The following EPB41L2 variants were observed in gnomAD, a reference collection of about 807,000 sequenced individuals.
EPB41L2 encodes erythrocyte membrane protein band 4.1 like 2.
EPB41L2 carries 43 observed loss-of-function variants against 113.0 expected under a neutral mutation model. The ratio of observed to expected loss-of-function variants is 0.38; its 90% CI spans 0.30 to 0.49. The LOEUF is 0.49. EPB41L2 is among the 20% of genes least tolerant of loss of function. EPB41L2 has a pLI of 0.95. For synonymous variants in EPB41L2, 442 were observed against 436.7 expected (o/e 1.01, Z -0.15); for missense variants, 1,147 against 1,223.4 (o/e 0.94, Z 0.93).
At chr6:130,896,098 C>CT (rs1468748258) in intron 8 of EPB41L2, among the ~76,000 whole-genome samples, 2 of 152,284 alleles carry the variant, frequency 1.3e-5, no homozygotes, top group East Asian at 1.9e-4. Flanking sequence ...CATATTTAGT[C>CT]TAACTCCCAA....
At chr6:130,841,104 G>A (rs1444781425) in intron 19 of EPB41L2, among the ~76,000 whole-genome samples, 2 of 151,936 alleles carry the variant, frequency 1.3e-5, no homozygotes, top group Non-Finnish European at 1.5e-5. Context: ...GGAATAGGAC[G>A]GTGAAGAAAG....
intron 3 of EPB41L2, among the ~76,000 whole-genome samples, chr6:130,939,173 G>A (rs555945466): frequency 2.6e-5 from 4 of 152,028 alleles, no homozygotes; most frequent in Non-Finnish European, 5.9e-5. Flanking sequence ...AATGAATAAA[G>A]CCACAAAACT....
intron 6 of EPB41L2, among the ~76,000 whole-genome samples, chr6:130,903,746 TA>T (rs1171833169): frequency 6.6e-6 from 1 of 152,162 alleles, no homozygotes; most frequent in Non-Finnish European, 1.5e-5. Context: ...GTACCCAGTG[TA>T]ATCAGGCTAA....
intron 1 of EPB41L2, among the ~76,000 whole-genome samples, chr6:131,001,194 C>T (rs1433144154): frequency 6.6e-6 from 1 of 152,158 alleles, no homozygotes; most frequent in Non-Finnish European, 1.5e-5. Flanking sequence ...GGCTGCTTCT[C>T]CATGAAGCTC....
intron 3 of EPB41L2, among the ~76,000 whole-genome samples, chr6:130,940,677 G>A (rs1178772397): frequency 1.3e-5 from 2 of 152,036 alleles, no homozygotes; most frequent in African/African-American, 2.4e-5. Flanking sequence ...ACATTGGCCA[G>A]GTTAGTCTCA....
chr6:130,844,434 T>G (rs1776385225), intron 19 of EPB41L2, among the ~76,000 whole-genome samples: 1 of 151,620 alleles, frequency 6.6e-6, no homozygotes, highest in Non-Finnish European at 1.5e-5. Flanking sequence ...TAGCTGGGCA[T>G]GGTGGTGGGC....
chr6:131,022,736 T>C (rs560723220), intron 1 of EPB41L2, among the ~76,000 whole-genome samples: 1 of 152,344 alleles, frequency 6.6e-6, no homozygotes, highest in East Asian at 1.9e-4. Context: ...ATCATCATCA[T>C]CCAGTGCTAG....
intron 12 of EPB41L2, among the ~76,000 whole-genome samples, chr6:130,884,006 T>C (rs951653056): frequency 5.3e-5 from 8 of 152,140 alleles, no homozygotes; most frequent in Non-Finnish European, 1.2e-4. Context: ...TTTATACATT[T>C]ATGTCTTTTA....
At chr6:130,929,103 C>G (rs1282161201) in intron 3 of EPB41L2, among the ~76,000 whole-genome samples, 1 of 152,196 alleles carries the variant, frequency 6.6e-6, no homozygotes, top group African/African-American at 2.4e-5. Flanking sequence ...TTCCATCTGC[C>G]TCTCCACCCT....
intron 16 of EPB41L2, among the ~76,000 whole-genome samples, chr6:130,866,443 C>A (rs1005024645): frequency 2.6e-5 from 4 of 152,194 alleles, no homozygotes; most frequent in South Asian, 4.1e-4. Context: ...AAGAGGAAAT[C>A]TCTTTCAAAC....
chr6:131,034,334 G>A (rs1029884646), intron 1 of EPB41L2, among the ~76,000 whole-genome samples: 1 of 152,184 alleles, frequency 6.6e-6, no homozygotes, highest in Non-Finnish European at 1.5e-5. Flanking sequence ...TTGGTCAGGT[G>A]TAGTGTCATA....
chr6:131,028,725 A>C (rs17059987), intron 1 of EPB41L2, among the ~76,000 whole-genome samples: 4,171 of 152,324 alleles, frequency 0.027, 181 homozygotes, highest in African/African-American at 0.094. Flanking sequence ...TCTTCAGGGT[A>C]CATTACCTAC....
intron 11 of EPB41L2, among the ~76,000 whole-genome samples, chr6:130,887,406 A>AT (rs564981286): frequency 0.018 from 2,768 of 150,822 alleles, 56 homozygotes; most frequent in Middle Eastern, 0.048. Flanking sequence ...GCATCAAATG[A>AT]TTTTTTTTTT....
At chr6:130,841,565 T>C (rs1583429417) in intron 19 of EPB41L2, among the ~76,000 whole-genome samples, 1 of 152,156 alleles carries the variant, frequency 6.6e-6, no homozygotes, top group East Asian at 1.9e-4. Flanking sequence ...AGATGACAAA[T>C]GTCAGGCATT....
At chr6:131,000,701 C>G (rs1584415044) in intron 1 of EPB41L2, 1 of 152,252 alleles carries the variant, frequency 6.6e-6, no homozygotes, top group African/African-American at 2.4e-5. Flanking sequence ...ATCACTGTTA[C>G]CACCTTGCTT....
At chr6:131,015,559 C>G (rs1408686075) in intron 1 of EPB41L2, among the ~76,000 whole-genome samples, 1 of 152,194 alleles carries the variant, frequency 6.6e-6, no homozygotes, top group African/African-American at 2.4e-5. Flanking sequence ...TCAAATCAAA[C>G]TAAATGAGCA....
At chr6:131,027,092 G>GT (rs752883586) in intron 1 of EPB41L2, among the ~76,000 whole-genome samples, 1 of 152,020 alleles carries the variant, frequency 6.6e-6, no homozygotes, top group Non-Finnish European at 1.5e-5. Flanking sequence ...TACTTACTAC[G>GT]TAAGAGATTG....
At chr6:130,934,575 C>T (rs887225185) in intron 3 of EPB41L2, among the ~76,000 whole-genome samples, 2 of 152,088 alleles carry the variant, frequency 1.3e-5, no homozygotes, top group South Asian at 4.1e-4. Context: ...TAGGCTCAAA[C>T]GATCTTCCTG....
intron 3 of EPB41L2, among the ~76,000 whole-genome samples, chr6:130,932,238 A>T (rs1807141670): frequency 6.6e-6 from 1 of 152,076 alleles, no homozygotes; most frequent in Non-Finnish European, 1.5e-5. Flanking sequence ...AAAATAATTA[A>T]ATTATTATGT....
Sources: allele counts gnomAD v4.1 joint callset (sites outside exome capture counted in the v4.1 genomes callset), GRCh38; gene constraint gnomAD v4.1.1; transcripts MANE v1.5; gene names NCBI Gene and HGNC (gene_info 2026-07-23, HGNC 2026-07-21).